The following NEGR1 variants were observed in gnomAD, a reference collection of about 807,000 sequenced individuals.
The protein encoded by NEGR1 is IgLON family member 4.
NEGR1 carries 10 observed loss-of-function variants against 40.9 expected under a neutral mutation model. That is an observed-to-expected ratio of 0.24 (90% CI 0.15 to 0.42). The LOEUF (loss-of-function observed/expected upper bound fraction) is 0.42. Ranked by LOEUF, NEGR1 falls within the 10% of genes least tolerant of loss-of-function variation. The pLI, the probability that NEGR1 is intolerant of heterozygous loss-of-function variation, is 1.00. For missense variants in NEGR1, 352 were observed against 438.9 expected (o/e 0.80, Z 1.77); for synonymous variants, 185 against 166.8 (o/e 1.11, Z -0.84).
At chr1:72,097,921 C>T (rs77639722) in intron 1 of NEGR1, among the ~76,000 whole-genome samples, 4,220 of 152,130 alleles carry the variant, frequency 0.028, 174 homozygotes, top group African/African-American at 0.096. Flanking sequence ...GGTTGATACC[C>T]CCATATCTCT....
intron 2 of NEGR1, among the ~76,000 whole-genome samples, chr1:71,815,429 A>AT (rs1658167789): frequency 6.6e-6 from 1 of 151,892 alleles, no homozygotes; most frequent in South Asian, 2.1e-4. Context: ...GGTCCACTTG[A>AT]TCCAGGGCTG....
At chr1:72,183,054 G>A (rs886270290) in intron 1 of NEGR1, among the ~76,000 whole-genome samples, 23 of 151,974 alleles carry the variant, frequency 1.5e-4, no homozygotes, top group African/African-American at 5.6e-4. Flanking sequence ...AGTATTACTG[G>A]CATAATGATT....
At chr1:71,542,770 C>T (rs1482424935) in intron 6 of NEGR1, among the ~76,000 whole-genome samples, 1 of 151,642 alleles carries the variant, frequency 6.6e-6, no homozygotes, top group African/African-American at 2.4e-5. Context: ...TAATGTCACT[C>T]CTATGATAAC....
chr1:71,534,538 A>G (rs533670776), intron 6 of NEGR1, among the ~76,000 whole-genome samples: 1 of 151,814 alleles, frequency 6.6e-6, no homozygotes, highest in African/African-American at 2.4e-5. Flanking sequence ...TCTCAAATGG[A>G]AAATAATTAA....
At chr1:71,652,791 T>C (rs1229972256) in intron 4 of NEGR1, among the ~76,000 whole-genome samples, 2 of 151,636 alleles carry the variant, frequency 1.3e-5, no homozygotes, top group African/African-American at 4.9e-5. Context: ...TTGAGCCCAG[T>C]AGGTGGAGGT....
chr1:72,079,483 G>A (rs1647895289), intron 1 of NEGR1, among the ~76,000 whole-genome samples: 1 of 151,792 alleles, frequency 6.6e-6, no homozygotes, highest in Non-Finnish European at 1.5e-5. Flanking sequence ...TTAGATATTA[G>A]AATAAATCAG....
chr1:72,240,507 T>G (rs1226553520), intron 1 of NEGR1, among the ~76,000 whole-genome samples: 1 of 151,786 alleles, frequency 6.6e-6, no homozygotes, highest in East Asian at 1.9e-4. Flanking sequence ...CCCAAGCATT[T>G]CTTCAAAGAA....
chr1:71,855,662 G>A (rs1659736647), intron 2 of NEGR1, among the ~76,000 whole-genome samples: 2 of 151,734 alleles, frequency 1.3e-5, no homozygotes, highest in Admixed American at 6.6e-5. Flanking sequence ...ATTCTTAACA[G>A]TCTTAAAATT....
At chr1:72,278,807 T>C (rs1656150108) in intron 1 of NEGR1, among the ~76,000 whole-genome samples, 1 of 152,186 alleles carries the variant, frequency 6.6e-6, no homozygotes, top group Non-Finnish European at 1.5e-5. Flanking sequence ...ATACTGTATA[T>C]ATTAAATGTA....
At chr1:72,126,611 C>G (rs1039548279) in intron 1 of NEGR1, among the ~76,000 whole-genome samples, 4 of 152,130 alleles carry the variant, frequency 2.6e-5, no homozygotes, top group Admixed American at 1.3e-4. Flanking sequence ...GCCATTTCCT[C>G]CATAAAATGT....
intron 6 of NEGR1, among the ~76,000 whole-genome samples, chr1:71,578,242 G>T (rs1472110867): frequency 6.6e-6 from 1 of 151,992 alleles, no homozygotes; most frequent in Non-Finnish European, 1.5e-5. Context: ...ATGGTAGGCT[G>T]GGACTAGAGA....
At chr1:71,865,819 C>T (rs1660094498) in intron 2 of NEGR1, among the ~76,000 whole-genome samples, 1 of 152,066 alleles carries the variant, frequency 6.6e-6, no homozygotes, top group Non-Finnish European at 1.5e-5. Context: ...TTTCTTGTTT[C>T]CAATTTGTGT....
At chr1:71,555,395 A>T (rs1318690220) in intron 6 of NEGR1, among the ~76,000 whole-genome samples, 1 of 151,582 alleles carries the variant, frequency 6.6e-6, no homozygotes, top group Non-Finnish European at 1.5e-5. Flanking sequence ...TTCCTGCCCT[A>T]TAGGGTAATT....
At chr1:72,145,195 G>C (rs1308844149) in intron 1 of NEGR1, among the ~76,000 whole-genome samples, 1 of 151,988 alleles carries the variant, frequency 6.6e-6, no homozygotes, top group Non-Finnish European at 1.5e-5. Context: ...TTAAATATCT[G>C]GGATAAGATA....
At chr1:72,013,927 G>A (rs1199881305) in intron 1 of NEGR1, among the ~76,000 whole-genome samples, 1 of 130,932 alleles carries the variant, frequency 7.6e-6, no homozygotes, top group Non-Finnish European at 1.6e-5. Context: ...AAGTGTGTGG[G>A]AAGAATACAA....
chr1:71,855,344 A>ATT (rs1038118671), intron 2 of NEGR1, among the ~76,000 whole-genome samples: 1 of 151,878 alleles, frequency 6.6e-6, no homozygotes, highest in South Asian at 2.1e-4. Flanking sequence ...ACCCTTAATA[A>ATT]TTTTTTTTCT....
At chr1:71,520,016 C>T (rs1569978783) in intron 6 of NEGR1, among the ~76,000 whole-genome samples, 1 of 151,902 alleles carries the variant, frequency 6.6e-6, no homozygotes, top group East Asian at 1.9e-4. Context: ...ACAAAAAAGA[C>T]AAAATTTCAA....
chr1:71,682,343 T>A (rs1369750021), intron 4 of NEGR1, among the ~76,000 whole-genome samples: 1 of 152,198 alleles, frequency 6.6e-6, no homozygotes, highest in Non-Finnish European at 1.5e-5. Flanking sequence ...TAAACTTATG[T>A]CTGATAATTC....
chr1:72,084,119 GA>G (rs1648113140), intron 1 of NEGR1, among the ~76,000 whole-genome samples: 1 of 151,912 alleles, frequency 6.6e-6, no homozygotes, highest in Non-Finnish European at 1.5e-5. Flanking sequence ...TCTTTTACAG[GA>G]AGTAACATAT....
Sources: allele counts gnomAD v4.1 joint callset (sites outside exome capture counted in the v4.1 genomes callset), GRCh38; gene constraint gnomAD v4.1.1; transcripts MANE v1.5; gene names NCBI Gene and HGNC (gene_info 2026-07-23, HGNC 2026-07-21).